Variants in CTSH observed in about 807,000 individuals in gnomAD.
The protein encoded by CTSH is pro-cathepsin H.
Under a neutral mutation model 56.3 loss-of-function variants are expected in CTSH, and 52 were observed. That is an observed-to-expected ratio of 0.92 (90% confidence interval 0.74 to 1.16). The LOEUF is 1.16. CTSH is among the 50% of genes most tolerant of loss of function. The pLI, the probability that CTSH is intolerant of heterozygous loss-of-function variation, is 0.00. For missense variants in CTSH, 406 were observed against 424.5 expected (o/e 0.96, Z 0.38); for synonymous variants, 174 against 155.7 (o/e 1.12, Z -0.88).
Position 78,923,049 on chromosome 15 carries a change from A to ATTTT in CTSH, c.872_875dup (p.Asn292LysfsTer120). 6.2e-7 allele frequency: 1 copy of ATTTT among 1,613,360 alleles called. No individual in the cohort carries two copies. The highest frequency in any genetic ancestry group is 8.5e-7 in the Non-Finnish European group (1 of 1,179,708). On this transcript the variant is annotated frameshift_variant, in exon 11 of 12. Coordinates refer to ENST00000220166, the MANE Select transcript of CTSH (RefSeq NM_004390.5). LOFTEE classifies it high-confidence loss of function. ...TTTTCACGATCCAGTAAGGGATCCCATTTTTTTCTCCATACCCAACAGCCA... is the reference window on the plus strand; with the variant it reads ...TTTTCACGATCCAGTAAGGGATCCCATTTTTTTTTTTCTCCATACCCAACAGCCA...
rs28625592 is a variant in CTSH, at chr15:78,928,030, C to T, written c.631-249G>A. On this transcript the variant is annotated intron_variant, in intron 8 of 11. Transcript: ENST00000220166. ...TGGGAGCCTGAGGAGGGGCCTCACC[C>T]GGCCTGAGGAAACTCACTGAGAAGT... 6.3e-4 allele frequency among the ~76,000 whole-genome samples: 96 copies of T among 152,270 alleles called. 1 individual carries two copies. The highest frequency in any genetic ancestry group is 2.1e-3 in the African/African-American group (89 of 41,558).
chr15:78,941,439 A>T (rs1647377662), intron 1 of CTSH, among the ~76,000 whole-genome samples: 1 of 149,594 alleles, frequency 6.7e-6, no homozygotes, highest in African/African-American at 2.5e-5. Flanking sequence ...AAAAAAAAAA[A>T]AAAAAAAAAA....
At chr15:78,924,561 C>A (rs1203904372) in intron 10 of CTSH, among the ~76,000 whole-genome samples, 1 of 152,068 alleles carries the variant, frequency 6.6e-6, no homozygotes, top group Non-Finnish European at 1.5e-5. Flanking sequence ...GTGAGAGAAA[C>A]CCCATAGTAA....
At chr15:78,934,782 G>C in intron 5 of CTSH, 196 bp downstream of exon 5, 1 of 669,648 alleles carries the variant, frequency 1.5e-6, no homozygotes, top group East Asian at 2.8e-5. Context: ...AGGAACTTTT[G>C]CATCCTCCAG....
chr15:78,937,269 G>A, intron 3 of CTSH, 49 bp downstream of exon 3: 1 of 1,520,870 alleles, frequency 6.6e-7, no homozygotes, highest in Non-Finnish European at 9.1e-7. Context: ...TCATGGGCTG[G>A]GTCACTAACT....
chr15:78,944,816 G>A (rs1415817036), intron 1 of CTSH, 75 bp downstream of exon 1: 7 of 1,470,888 alleles, frequency 4.8e-6, no homozygotes, highest in South Asian at 1.3e-5. Flanking sequence ...AGCCCAGTGC[G>A]CCCCTGGCCA....
intron 1 of CTSH, among the ~76,000 whole-genome samples, chr15:78,942,482 G>T (rs77784974): frequency 6.6e-6 from 1 of 152,084 alleles, no homozygotes; most frequent in East Asian, 1.9e-4. Flanking sequence ...CAAAGTGCTG[G>T]GATCACAGGC....
At chr15:78,927,512 C>T in intron 9 of CTSH, 1 of 544,624 alleles carries the variant, frequency 1.8e-6, no homozygotes, top group Non-Finnish European at 3.3e-6. Context: ...AACCAGAGGG[C>T]CTGCCTGCCA....
chr15:78,941,436 A>AAT (rs2055288175), intron 1 of CTSH, among the ~76,000 whole-genome samples: 2 of 149,606 alleles, frequency 1.3e-5, no homozygotes, highest in Non-Finnish European at 1.5e-5. Context: ...AAAAAAAAAA[A>AAT]AAAAAAAAAA....
chr15:78,921,274 A>G lies in CTSH; in HGVS notation c.*856T>C, dbSNP rs759628061. The G allele has an allele frequency of 2.0e-5, 3 of 152,202 alleles. No individual in the cohort carries two copies. The highest frequency in any genetic ancestry group is 2.9e-5 in the Non-Finnish European group (2 of 68,064). 9.4% of individuals were successfully genotyped at this position (152,202 alleles called of 1,614,324 possible). ...GAGCCCGGAGGCTTCAGGAAGCAGC[A>G]GCAACTTCATGGCCGCCCTCTAAAC... On this transcript the variant is annotated 3_prime_UTR_variant, in exon 12 of 12. Coordinates refer to ENST00000220166, the MANE Select transcript of CTSH (RefSeq NM_004390.5).
chr15:78,925,246 C>T (rs955039775), intron 10 of CTSH, 88 bp downstream of exon 10: 20 of 820,930 alleles, frequency 2.4e-5, no homozygotes, highest in Non-Finnish European at 3.9e-5. Flanking sequence ...GAGTCTGGGC[C>T]ACGAGCCCAA....
At position 78,932,375 on chromosome 15, in the gene CTSH, G is replaced by A; in HGVS notation, c.489C>T (p.Ser163=). 6.2e-7 allele frequency: 1 copy of A among 1,613,962 alleles called. No individual in the cohort carries two copies. Among genetic ancestry groups the A allele is most frequent in the Non-Finnish European group, 8.5e-7 (1 of 1,179,828 alleles). Residue 163 remains serine (S), a synonymous_variant, in exon 6 of 12, where the codon TCC becomes TCT. Coordinates refer to ENST00000220166, the MANE Select transcript of CTSH (RefSeq NM_004390.5). ...TCGCCTGTGGCTGATTTCTTACCAAGGACAGCATCTTTCCGGTTGCGATGG... is the reference window on the plus strand; with the variant it reads ...TCGCCTGTGGCTGATTTCTTACCAAAGACAGCATCTTTCCGGTTGCGATGG... ...AIAIATGKML[S]LAEQQLVDCA...
chr15:78,932,478 G>A lies in CTSH; in HGVS notation c.406-20C>T. ...GGCACCCTGGAAAGGCCAGGGGAGA[G>A]CAGAGGACATCAGTGATGGGGACGC... On this transcript the variant is annotated intron_variant, in intron 5 of 11. Transcript: ENST00000220166. 2 of 1,596,552 alleles carry A rather than the reference G, an allele frequency of 1.3e-6. No homozygotes were observed. Among genetic ancestry groups the A allele is most frequent in the Non-Finnish European group, 1.7e-6 (2 of 1,164,576 alleles).
chr15:78,924,505 A>T (rs909551776), intron 10 of CTSH, among the ~76,000 whole-genome samples: 8 of 151,960 alleles, frequency 5.3e-5, no homozygotes, highest in Admixed American at 4.6e-4. Flanking sequence ...GCAACTGATG[A>T]AGGGAGGGAA....
chr15:78,937,191 G>C, intron 3 of CTSH, 127 bp downstream of exon 3: 1 of 715,802 alleles, frequency 1.4e-6, no homozygotes, highest in South Asian at 1.7e-5. Context: ...ACAATCTGAG[G>C]TCAGCCAAAC....
intron 3 of CTSH, among the ~76,000 whole-genome samples, chr15:78,936,571 A>G (rs2055181164): frequency 6.6e-6 from 1 of 151,588 alleles, no homozygotes; most frequent in African/African-American, 2.4e-5. Flanking sequence ...TTTATTACCA[A>G]TTTAGTCAAC....
intron 5 of CTSH, among the ~76,000 whole-genome samples, chr15:78,933,792 CAAG>C (rs2055116206): frequency 6.6e-6 from 1 of 152,212 alleles, no homozygotes; most frequent in South Asian, 2.1e-4. Flanking sequence ...GAGAAACTCT[CAAG>C]GAGGGTGCTG....
rs559659563 is a variant in CTSH, at chr15:78,929,023, G to T, written c.630+389C>A. Among the ~76,000 whole-genome samples the T allele has an allele frequency of 5.9e-5, 9 of 152,258 alleles. No individual in the cohort carries two copies. In the South Asian group the frequency reaches 1.0e-3, roughly 18 times the overall value. ...CCAGCAGCCTTGATAGGGTAGGGGT[G>T]GGGGTGGGCCCCCAAAGGGTCCTTG... On this transcript the variant is annotated intron_variant, in intron 8 of 11. Transcript: ENST00000220166.
At position 78,942,261 on chromosome 15, in the gene CTSH, G is replaced by A. The variant is rs554433785; in HGVS notation, c.91+2630C>T. ...GAAGGAGGCTGGCTCTGTTGCCCAG[G>A]CTGGAGGGCAGTGGCACGATATCAG... is the stretch of plus-strand genomic sequence containing the variant. On this transcript the variant is annotated intron_variant, in intron 1 of 11. Coordinates refer to ENST00000220166, the MANE Select transcript of CTSH (RefSeq NM_004390.5). Among the ~76,000 whole-genome samples the A allele has an allele frequency of 4.7e-4, 66 of 141,782 alleles. No homozygotes were observed. In the Admixed American group the frequency reaches 4.8e-3, roughly 10 times the overall value. The allele number at this position is 141,782 out of a possible 152,430, so 93.0% of individuals were successfully genotyped here. A position where few individuals can be genotyped will look rare whatever the true frequency, so the allele number is the denominator to read the frequency against.
Sources: gnomAD v4.1 joint callset for allele counts (sites outside exome capture counted in the v4.1 genomes callset) on GRCh38, gnomAD v4.1.1 for gene constraint, MANE v1.5 for transcripts, NCBI Gene and HGNC (gene_info 2026-07-23, HGNC 2026-07-21) for gene names.